ARHGEF28: variants seen among roughly 807,000 people sequenced by gnomAD.
The protein encoded by ARHGEF28 is 190 kDa guanine nucleotide exchange factor.
In ARHGEF28, 152 loss-of-function variants were observed where a neutral mutation model predicts 206.6. The observed-to-expected ratio is 0.74, with a 90% confidence interval of 0.64 to 0.84. The LOEUF is 0.84. Among genes scored for constraint, ARHGEF28 ranks in the 40% least tolerant of loss-of-function variants. ARHGEF28 has a pLI of 0.00. For synonymous variants in ARHGEF28, 763 were observed against 776.4 expected, an observed-to-expected ratio of 0.98 and a Z score of 0.29; for missense variants, 2,028 against 2,073.2, an observed-to-expected ratio of 0.98 and a Z score of 0.42.
At position 73,761,094 on chromosome 5, in the gene ARHGEF28, C is replaced by T. The variant is rs111367385; in HGVS notation, c.475+7892C>T. 8.5e-3 allele frequency among the ~76,000 whole-genome samples: 1,294 copies of T among 151,874 alleles called. 20 individuals are homozygous for T. Among genetic ancestry groups the T allele is most frequent in the African/African-American group, 0.028 (1,147 of 41,482 alleles). ...TACCCAATGTGCTTCCCAAAGGATTCGGGACTGTAGAAGGTTTTTGAAGTC... is the reference window on the plus strand; with the variant it reads ...TACCCAATGTGCTTCCCAAAGGATTTGGGACTGTAGAAGGTTTTTGAAGTC... On this transcript the variant is annotated intron_variant, in intron 4 of 35. Coordinates refer to ENST00000513042, the MANE Select transcript of ARHGEF28 (RefSeq NM_001177693.2).
At chr5:73,652,484 T>G (rs1173699179) in intron 1 of ARHGEF28, among the ~76,000 whole-genome samples, 1 of 152,000 alleles carries the variant, frequency 6.6e-6, no homozygotes, top group African/African-American at 2.4e-5. Flanking sequence ...TATGCACATT[T>G]GGGGGAGCAG....
intron 9 of ARHGEF28, among the ~76,000 whole-genome samples, chr5:73,829,130 CT>C (rs1757130382): frequency 6.6e-6 from 1 of 152,180 alleles, no homozygotes; most frequent in Admixed American, 6.5e-5. Flanking sequence ...GCATAGGCCA[CT>C]TTTTGAAAGT....
intron 2 of ARHGEF28, among the ~76,000 whole-genome samples, chr5:73,733,244 A>G (rs1469377181): frequency 6.6e-6 from 1 of 152,230 alleles, no homozygotes; most frequent in Non-Finnish European, 1.5e-5. Flanking sequence ...ACAATGAAAA[A>G]TAAAAAGACT....
Position 73,767,881 on chromosome 5 carries a change from G to A in ARHGEF28, c.476-5974G>A, listed in dbSNP as rs566014868. 5.9e-5 allele frequency among the ~76,000 whole-genome samples: 9 copies of A among 152,298 alleles called. No homozygotes were observed. In the East Asian group the frequency reaches 1.4e-3, roughly 23 times the overall value. On this transcript the variant is annotated intron_variant, in intron 4 of 35. Coordinates refer to ENST00000513042, the MANE Select transcript of ARHGEF28 (RefSeq NM_001177693.2). ...CCATTATAGGCCCAGAGGCCTAGGA[G>A]GAAATGGTTTCATGGGCTGGGCCCA...
intron 14 of ARHGEF28, 57 bp from the exon 15 acceptor site, chr5:73,857,599 G>GTA (rs1202731107): frequency 1.3e-6 from 2 of 1,508,940 alleles, no homozygotes; most frequent in Non-Finnish European, 1.8e-6. Context: ...ACACACACAC[G>GTA]TATATGCTAT....
intron 1 of ARHGEF28, among the ~76,000 whole-genome samples, chr5:73,635,344 C>CA (rs1296652764): frequency 6.6e-6 from 1 of 150,716 alleles, no homozygotes; most frequent in Admixed American, 6.6e-5. Flanking sequence ...AACTCCATCT[C>CA]AAAAAAAAGA....
intron 2 of ARHGEF28, among the ~76,000 whole-genome samples, chr5:73,742,818 G>A (rs1751518033): frequency 7.3e-6 from 1 of 137,608 alleles, no homozygotes; most frequent in East Asian, 2.1e-4. Context: ...GCGACAGAGC[G>A]AGACTCCGTC....
intron 28 of ARHGEF28, among the ~76,000 whole-genome samples, chr5:73,893,822 A>T (rs1761796056): frequency 6.6e-6 from 1 of 152,194 alleles, no homozygotes; most frequent in African/African-American, 2.4e-5. Flanking sequence ...CAGCTCTCCC[A>T]AGGTGACTTT....
chr5:73,754,642 A>G (rs113488539), intron 4 of ARHGEF28, among the ~76,000 whole-genome samples: 9 of 152,296 alleles, frequency 5.9e-5, no homozygotes, highest in African/African-American at 2.2e-4. Flanking sequence ...AAAGTATTTA[A>G]TAAAGTAAAT....
intron 35 of ARHGEF28, among the ~76,000 whole-genome samples, chr5:73,934,248 A>G (rs923831819): frequency 6.6e-6 from 1 of 152,164 alleles, no homozygotes; most frequent in Admixed American, 6.5e-5. Flanking sequence ...TTTCCTGTAA[A>G]TTGGTAACTG....
intron 22 of ARHGEF28, among the ~76,000 whole-genome samples, chr5:73,880,443 GC>G (rs1760844232): frequency 6.6e-6 from 1 of 152,092 alleles, no homozygotes; most frequent in Admixed American, 6.5e-5. Flanking sequence ...ACTGTCCTGC[GC>G]CCACTGTCTG....
intron 22 of ARHGEF28, among the ~76,000 whole-genome samples, chr5:73,877,478 T>C (rs1318232436): frequency 3.5e-5 from 5 of 141,046 alleles, no homozygotes; most frequent in African/African-American, 1.4e-4. Flanking sequence ...TGAATGTGTT[T>C]GCTCTTGCTT....
Position 73,866,084 on chromosome 5 carries a change from A to T in ARHGEF28, c.2152+71A>T, listed in dbSNP as rs117594998. The T allele has an allele frequency of 1.1e-3, 1,306 of 1,219,410 alleles. 19 individuals carry two copies. The East Asian group carries it at 0.031, about 29-fold the overall frequency. The allele number at this position is 1,219,410 out of a possible 1,614,324, so 75.5% of individuals were successfully genotyped here. On this transcript the variant is annotated intron_variant, in intron 18 of 35. Coordinates refer to ENST00000513042, the MANE Select transcript of ARHGEF28 (RefSeq NM_001177693.2). ...TACTATACATTTTTCCATTATAAAA[A>T]TATCTCCTTTTGTTTTCTCATTTAT... is the stretch of plus-strand genomic sequence containing the variant.
chr5:73,861,875 G>A (rs1204630058), intron 16 of ARHGEF28, among the ~76,000 whole-genome samples: 1 of 151,994 alleles, frequency 6.6e-6, no homozygotes, highest in Non-Finnish European at 1.5e-5. Context: ...CGGGGGGAGA[G>A]GGTGGTTTAA....
At position 73,857,828 on chromosome 5, in the gene ARHGEF28, T is replaced by G. The variant is rs1319210997; in HGVS notation, c.1914+49T>G. The G allele has an allele frequency of 2.6e-6, 4 of 1,554,658 alleles. No homozygotes were observed. The East Asian group carries it at 9.1e-5, about 36-fold the overall frequency. On this transcript the variant is annotated intron_variant, in intron 15 of 35. Transcript: ENST00000513042. ...TTCTATAAAATATAGACATTTTAGT[T>G]TCTCAGCAGTTAGTATAATTTCCAC... is the stretch of plus-strand genomic sequence containing the variant.
At chr5:73,720,024 A>G (rs537180774) in intron 2 of ARHGEF28, among the ~76,000 whole-genome samples, 1 of 152,394 alleles carries the variant, frequency 6.6e-6, no homozygotes, top group Admixed American at 6.5e-5. Context: ...AGATTCCAAT[A>G]TTAATTCTGC....
chr5:73,912,843 G>T (rs1762980830), intron 35 of ARHGEF28, among the ~76,000 whole-genome samples: 1 of 152,132 alleles, frequency 6.6e-6, no homozygotes, highest in Non-Finnish European at 1.5e-5. Flanking sequence ...TGCTGTGTTG[G>T]TTCATTAATC....
intron 2 of ARHGEF28, among the ~76,000 whole-genome samples, chr5:73,714,415 C>A (rs1345286840): frequency 1.3e-5 from 2 of 152,106 alleles, no homozygotes; most frequent in African/African-American, 4.8e-5. Context: ...CGTGGTCCAT[C>A]CCCGGGAGGC....
intron 9 of ARHGEF28, among the ~76,000 whole-genome samples, chr5:73,808,924 A>C (rs916826868): frequency 6.6e-6 from 1 of 152,204 alleles, no homozygotes; most frequent in Admixed American, 6.5e-5. Context: ...CTCAGTTTTA[A>C]AAATCAAATG....
Sources: gnomAD v4.1 joint callset for allele counts (sites outside exome capture counted in the v4.1 genomes callset) on GRCh38, gnomAD v4.1.1 for gene constraint, MANE v1.5 for transcripts, NCBI Gene and HGNC (gene_info 2026-07-23, HGNC 2026-07-21) for gene names.